Variants in LNPK observed in about 807,000 individuals in gnomAD.
The protein encoded by LNPK is lunapark, ER junction formation factor.
A neutral mutation model predicts 55.2 loss-of-function variants in LNPK; 29 were observed. The ratio of observed to expected loss-of-function variants is 0.53; its 90% CI spans 0.39 to 0.72. LNPK has a LOEUF of 0.72. Ranked by LOEUF, LNPK falls within the 30% of genes least tolerant of loss-of-function variation. The pLI is 0.00. For synonymous variants in LNPK, 162 were observed against 168.2 expected (o/e 0.96, Z 0.29); for missense variants, 467 against 494.8 (o/e 0.94, Z 0.53).
rs1410861603 is a variant in LNPK at position 175,995,565 on chromosome 2, C to G, written c.20G>C (p.Arg7Pro). MGGLFS[R>P]WRTKPSTVEV... ...TAAAGAAAAGTACCTTACCCTCCAT[C>G]GAGAAAATAATCCACCCATCTTTTA... The change falls in exon 2 of 13, where the codon CGA (arginine) becomes CCA (proline). Residue 7 changes from arginine to proline, a missense_variant. Transcript: ENST00000272748. 1.2e-6 allele frequency: 2 copies of G among 1,609,746 alleles called. No homozygotes were observed. Among genetic ancestry groups the G allele is most frequent in the Non-Finnish European group, 1.7e-6 (2 of 1,176,910 alleles).
chr2:175,940,258 TGAG>T (rs1208815302), intron 9 of LNPK, among the ~76,000 whole-genome samples: 2 of 151,572 alleles, frequency 1.3e-5, no homozygotes, highest in Non-Finnish European at 2.9e-5. Context: ...CTCTCACAGT[TGAG>T]GAGACAAAGC....
chr2:175,970,772 T>C lies in LNPK; in HGVS notation c.349A>G (p.Lys117Glu), dbSNP rs762695094. 2.9e-6 allele frequency: 4 copies of C among 1,377,088 alleles called. No homozygotes were observed. Among genetic ancestry groups the C allele is most frequent in the Non-Finnish European group, 3.9e-6 (4 of 1,029,516 alleles). The allele number at this position is 1,377,088 out of a possible 1,614,324, so 85.3% of individuals were successfully genotyped here. Residue 117 changes from lysine to glutamate, a missense_variant, in exon 6 of 13, where the codon AAA becomes GAA. By Grantham distance (56) the Lys-to-Glu change is moderately conservative. Coordinates refer to ENST00000272748, the MANE Select transcript of LNPK (RefSeq NM_030650.3). ...AATAAAAGTTAACTTACTATTTTTT[T>C]CCTCTGGGATTTTAAATCATCCAAT... ...EALDDLKSQRKKILEEVMEKE... is the reference protein window; with the variant it reads ...EALDDLKSQREKILEEVMEKE...
intron 5 of LNPK, among the ~76,000 whole-genome samples, chr2:175,976,679 A>C (rs1434695572): frequency 6.6e-6 from 1 of 152,200 alleles, no homozygotes; most frequent in Non-Finnish European, 1.5e-5. Context: ...CCCTGGAGCT[A>C]GGACATCTAT....
At chr2:175,972,453 T>G (rs1440181389) in intron 5 of LNPK, among the ~76,000 whole-genome samples, 1 of 152,048 alleles carries the variant, frequency 6.6e-6, no homozygotes, top group African/African-American at 2.4e-5. Context: ...TTCAAAAAAT[T>G]TTGGATTTAG....
chr2:175,976,665 G>C (rs147598359), intron 5 of LNPK, among the ~76,000 whole-genome samples: 1 of 152,250 alleles, frequency 6.6e-6, no homozygotes, highest in African/African-American at 2.4e-5. Context: ...CACCATGCCC[G>C]ACTCCCTGGA....
At chr2:175,987,440 G>A (rs1027275008) in intron 4 of LNPK, among the ~76,000 whole-genome samples, 2 of 152,042 alleles carry the variant, frequency 1.3e-5, no homozygotes, top group African/African-American at 2.4e-5. Context: ...ACCAAACACC[G>A]CATGTTCTCA....
intron 6 of LNPK, among the ~76,000 whole-genome samples, chr2:175,970,427 G>A (rs1178117145): frequency 6.6e-6 from 1 of 151,962 alleles, no homozygotes; most frequent in Non-Finnish European, 1.5e-5. Flanking sequence ...ACTGACACGT[G>A]GAGATATTTT....
At chr2:175,957,839 C>T (rs574357221) in intron 8 of LNPK, among the ~76,000 whole-genome samples, 20 of 152,346 alleles carry the variant, frequency 1.3e-4, no homozygotes, top group African/African-American at 4.1e-4. Flanking sequence ...CCTGGAAAAT[C>T]GGTACACTCC....
At chr2:175,994,727 C>T (rs1168277012) in intron 2 of LNPK, among the ~76,000 whole-genome samples, 5 of 151,672 alleles carry the variant, frequency 3.3e-5, no homozygotes, top group Admixed American at 3.3e-4. Flanking sequence ...ATAATTTATA[C>T]AATTCATATT....
chr2:175,932,466 T>C (rs923923205), intron 12 of LNPK, among the ~76,000 whole-genome samples: 5 of 152,160 alleles, frequency 3.3e-5, no homozygotes, highest in African/African-American at 4.8e-5. Context: ...TGGGTGGAAA[T>C]TGAAAATAAT....
At chr2:176,001,045 A>T (rs1056063641) in intron 1 of LNPK, among the ~76,000 whole-genome samples, 31 of 152,322 alleles carry the variant, frequency 2.0e-4, no homozygotes, top group African/African-American at 7.2e-4. Context: ...TGTTTATATA[A>T]CATATAAACA....
rs926436532 is a variant in LNPK at position 175,928,404 on chromosome 2, G to A, written c.*1563C>T. ...AAAAAATAATCTCAGTGAGTTTATA[G>A]GTGACTTGCCCAAGACTACAGACCT... On this transcript the variant is annotated 3_prime_UTR_variant, in exon 13 of 13. Transcript: ENST00000272748. 1 of 150,862 alleles carries A rather than the reference G, an allele frequency of 6.6e-6. No individual in the cohort carries two copies. The highest frequency in any genetic ancestry group is 2.4e-5 in the African/African-American group (1 of 41,002). 9.3% of individuals were successfully genotyped at this position (150,862 alleles called of 1,614,324 possible). A position where few individuals can be genotyped will look rare whatever the true frequency, so the allele number is the denominator to read the frequency against.
intron 8 of LNPK, among the ~76,000 whole-genome samples, chr2:175,960,645 AAG>A (rs1358811799): frequency 6.6e-6 from 1 of 152,216 alleles, no homozygotes; most frequent in Non-Finnish European, 1.5e-5. Flanking sequence ...ACACAATTAA[AAG>A]AACTAGAGAA....
intron 12 of LNPK, among the ~76,000 whole-genome samples, chr2:175,930,758 T>C (rs1419106986): frequency 6.6e-6 from 1 of 152,074 alleles, no homozygotes; most frequent in Non-Finnish European, 1.5e-5. Flanking sequence ...GGTTTCTATC[T>C]TTTCCAAAGG....
At chr2:175,976,973 T>C (rs756961078) in intron 5 of LNPK, among the ~76,000 whole-genome samples, 6 of 152,162 alleles carry the variant, frequency 3.9e-5, no homozygotes, top group African/African-American at 7.2e-5. Flanking sequence ...ATTAGTCATA[T>C]AGGGTAAACA....
intron 9 of LNPK, among the ~76,000 whole-genome samples, chr2:175,944,994 G>T (rs1228549988): frequency 6.6e-6 from 1 of 151,528 alleles, no homozygotes; most frequent in Non-Finnish European, 1.5e-5. Context: ...CACCTCCCAG[G>T]TTCCAGCAAT....
chr2:175,973,055 A>G (rs1559059499), intron 5 of LNPK, among the ~76,000 whole-genome samples: 2 of 152,242 alleles, frequency 1.3e-5, no homozygotes, highest in Non-Finnish European at 2.9e-5. Context: ...ACTTTTAAAA[A>G]AAATTACTTG....
At position 175,931,966 on chromosome 2, in the gene LNPK, G is replaced by A. The variant is rs866102283; in HGVS notation, c.1055-1767C>T. On this transcript the variant is annotated intron_variant, in intron 12 of 12. Transcript: ENST00000272748. ...GGTTTTCCACAACTCTCTGGCCATA[G>A]AGCAGTATTTACTTGGCAAGAACTT... 4.3e-5 allele frequency: 13 copies of A among 301,880 alleles called. No individual in the cohort carries two copies. In the Middle Eastern group the frequency reaches 6.4e-3, roughly 148 times the overall value. 18.7% of individuals were successfully genotyped at this position (301,880 alleles called of 1,614,324 possible).
Position 175,967,748 on chromosome 2 carries a change from T to G in LNPK, c.357+3016A>C, listed in dbSNP as rs143071728. ...TATCATTTTCTTTCATATAAGAGTA[T>G]TCCACAATAATAGTCACATCTTTCT... On this transcript the variant is annotated intron_variant, in intron 6 of 12. Transcript: ENST00000272748. 1.8e-4 allele frequency: 176 copies of G among 974,766 alleles called. 2 individuals carry two copies. In the African/African-American group the frequency reaches 2.8e-3, roughly 15 times the overall value. The allele number at this position is 974,766 out of a possible 1,614,324, so 60.4% of individuals were successfully genotyped here. A position where few individuals can be genotyped will look rare whatever the true frequency, so the allele number is the denominator to read the frequency against.
Sources: allele counts gnomAD v4.1 joint callset (sites outside exome capture counted in the v4.1 genomes callset), GRCh38; gene constraint gnomAD v4.1.1; transcripts MANE v1.5; gene names NCBI Gene and HGNC (gene_info 2026-07-23, HGNC 2026-07-21).